NKAIN2: variants seen among roughly 807,000 people sequenced by gnomAD.
The protein encoded by NKAIN2 is sodium/potassium transporting ATPase interacting 2.
A neutral mutation model predicts 32.6 loss-of-function variants in NKAIN2; 14 were observed. The observed-to-expected ratio is 0.43, with a 90% CI of 0.28 to 0.67. The LOEUF (loss-of-function observed/expected upper bound fraction) is 0.67. Ranked by LOEUF, NKAIN2 falls within the 30% of genes least tolerant of loss-of-function variation. The pLI is 0.17. For synonymous variants in NKAIN2, 80 were observed against 87.2 expected, an observed-to-expected ratio of 0.92 and a Z score of 0.46; for missense variants, 198 against 258.3, an observed-to-expected ratio of 0.77 and a Z score of 1.60.
chr6:124,437,347 T>G (rs190940074), intron 3 of NKAIN2, among the ~76,000 whole-genome samples: 10 of 152,330 alleles, frequency 6.6e-5, no homozygotes, highest in Admixed American at 2.6e-4. Flanking sequence ...ATCATTGCCT[T>G]TTAGTTAAGA....
intron 4 of NKAIN2, among the ~76,000 whole-genome samples, chr6:124,726,930 T>C (rs546386248): frequency 8.2e-6 from 1 of 122,548 alleles, no homozygotes; most frequent in African/African-American, 3.1e-5. Context: ...CAGGAGCTGA[T>C]GCAATCAACT....
chr6:124,379,348 G>A (rs79642809), intron 3 of NKAIN2, among the ~76,000 whole-genome samples: 6,921 of 148,274 alleles, frequency 0.047, 265 homozygotes, highest in Non-Finnish European at 0.067. Flanking sequence ...GGAGTAAGGA[G>A]AGAAGGGAGA....
At chr6:124,612,834 T>TATG (rs746382302) in intron 3 of NKAIN2, among the ~76,000 whole-genome samples, 5 of 152,200 alleles carry the variant, frequency 3.3e-5, no homozygotes, top group African/African-American at 4.8e-5. Flanking sequence ...TTATATGATA[T>TATG]ATGATGATTA....
chr6:124,785,813 C>T (rs960423098), intron 4 of NKAIN2, among the ~76,000 whole-genome samples: 1 of 152,138 alleles, frequency 6.6e-6, no homozygotes, highest in Non-Finnish European at 1.5e-5. Context: ...GGTAAAAGTC[C>T]TGATCTTCTA....
chr6:124,726,061 C>A (rs1210345130), intron 4 of NKAIN2, among the ~76,000 whole-genome samples: 4 of 152,168 alleles, frequency 2.6e-5, no homozygotes, highest in Admixed American at 2.6e-4. Context: ...GGTCCTACGC[C>A]CACGGAGTCT....
chr6:124,715,819 A>G (rs1019725691), intron 4 of NKAIN2, among the ~76,000 whole-genome samples: 3 of 152,176 alleles, frequency 2.0e-5, no homozygotes, highest in Admixed American at 2.0e-4. Context: ...GGAAAATATA[A>G]CATCTAGATT....
chr6:124,464,747 C>A (rs1776673893), intron 3 of NKAIN2, among the ~76,000 whole-genome samples: 2 of 152,162 alleles, frequency 1.3e-5, no homozygotes, highest in South Asian at 4.1e-4. Flanking sequence ...GTACCAGTAC[C>A]ATGCTGTTTT....
intron 1 of NKAIN2, among the ~76,000 whole-genome samples, chr6:123,923,979 A>T (rs1421217738): frequency 3.3e-5 from 5 of 152,034 alleles, no homozygotes; most frequent in Non-Finnish European, 7.4e-5. Flanking sequence ...AATTAAAAAA[A>T]GGATTTTGGC....
At chr6:124,230,531 G>T (rs1267006447) in intron 1 of NKAIN2, among the ~76,000 whole-genome samples, 1 of 152,148 alleles carries the variant, frequency 6.6e-6, no homozygotes, top group Non-Finnish European at 1.5e-5. Flanking sequence ...CCTGCCATCA[G>T]CCCAGAGGTT....
At chr6:124,530,742 G>T (rs1464003087) in intron 3 of NKAIN2, among the ~76,000 whole-genome samples, 1 of 152,172 alleles carries the variant, frequency 6.6e-6, no homozygotes, top group Admixed American at 6.5e-5. Flanking sequence ...ATAACTCCTA[G>T]TTTAACACCG....
chr6:124,590,407 T>A (rs1388837847), intron 3 of NKAIN2, among the ~76,000 whole-genome samples: 1 of 152,158 alleles, frequency 6.6e-6, no homozygotes, highest in Non-Finnish European at 1.5e-5. Context: ...TCTCATAGCT[T>A]GAAAGAAATA....
intron 3 of NKAIN2, among the ~76,000 whole-genome samples, chr6:124,503,013 G>A (rs1713889437): frequency 6.6e-6 from 1 of 152,050 alleles, no homozygotes; most frequent in South Asian, 2.1e-4. Flanking sequence ...CATTTAAATG[G>A]CATTGCATTT....
At chr6:124,572,238 TAC>T (rs1781155216) in intron 3 of NKAIN2, among the ~76,000 whole-genome samples, 1 of 152,244 alleles carries the variant, frequency 6.6e-6, no homozygotes, top group African/African-American at 2.4e-5. Flanking sequence ...GGCCACCTGC[TAC>T]AGTCAGTCCA....
chr6:124,007,366 C>A (rs1205805889), intron 1 of NKAIN2, among the ~76,000 whole-genome samples: 1 of 152,098 alleles, frequency 6.6e-6, no homozygotes, highest in East Asian at 1.9e-4. Flanking sequence ...GATTTTATGT[C>A]CCCAACTCCA....
At chr6:124,104,830 T>C (rs1218643048) in intron 1 of NKAIN2, among the ~76,000 whole-genome samples, 1 of 152,228 alleles carries the variant, frequency 6.6e-6, no homozygotes, top group Non-Finnish European at 1.5e-5. Flanking sequence ...ATTTTTTCTA[T>C]GCAGCAGGAT....
intron 1 of NKAIN2, among the ~76,000 whole-genome samples, chr6:123,830,537 G>A (rs879603849): frequency 2.6e-5 from 4 of 152,074 alleles, no homozygotes; most frequent in Admixed American, 2.6e-4. Context: ...TTGTTCTCAC[G>A]TAGTTTACAC....
chr6:124,616,828 C>T (rs9401758), intron 3 of NKAIN2, among the ~76,000 whole-genome samples: 27,844 of 151,814 alleles, frequency 0.18, 2,696 homozygotes, highest in Middle Eastern at 0.24. Context: ...CTTGCCATCC[C>T]GCATAGCACT....
At position 124,773,334 on chromosome 6, in the gene NKAIN2, T is replaced by TG. The variant is rs200263998; in HGVS notation, c.475-17998dup. ...AGGGAGAGAGAAGAGGTGCGAGTGGTGGGGGGGTCACTGGAAGCCTTTTTA... is the reference window on the plus strand; with the variant it reads ...AGGGAGAGAGAAGAGGTGCGAGTGGTGGGGGGGGTCACTGGAAGCCTTTTTA... On this transcript the variant is annotated intron_variant, in intron 4 of 6. Transcript: ENST00000368417. Among the ~76,000 whole-genome samples the TG allele has an allele frequency of 9.4e-3, 1,419 of 151,658 alleles. 9 individuals carry two copies. The highest frequency in any genetic ancestry group is 0.014 in the African/African-American group (599 of 41,354).
intron 3 of NKAIN2, among the ~76,000 whole-genome samples, chr6:124,416,555 C>A (rs1031410129): frequency 2.6e-5 from 4 of 152,166 alleles, no homozygotes; most frequent in African/African-American, 7.2e-5. Context: ...CAGAGGACTG[C>A]TTGAGCCCAG....
Sources: gnomAD v4.1 joint callset for allele counts (sites outside exome capture counted in the v4.1 genomes callset) on GRCh38, gnomAD v4.1.1 for gene constraint, MANE v1.5 for transcripts, NCBI Gene and HGNC (gene_info 2026-07-23, HGNC 2026-07-21) for gene names.